The following BIN2 variants were observed in gnomAD, a reference collection of about 807,000 sequenced individuals.
BIN2 encodes bridging integrator 2.
In BIN2, 43 loss-of-function variants were observed where a neutral mutation model predicts 67.9. The ratio of observed to expected loss-of-function variants is 0.63; its 90% CI spans 0.50 to 0.82. BIN2 has a LOEUF of 0.82. Ranked by LOEUF, BIN2 falls within the 40% of genes least tolerant of loss-of-function variation. The pLI is 0.00. For missense variants in BIN2, 581 were observed against 671.6 expected, an observed-to-expected ratio of 0.87 and a Z score of 1.49; for synonymous variants, 244 against 246.8, an observed-to-expected ratio of 0.99 and a Z score of 0.11.
chr12:51,313,809 A>G lies in BIN2; in HGVS notation c.162+14T>C, dbSNP rs757451845. The G allele has an allele frequency of 2.5e-6, 4 of 1,606,524 alleles. No individual in the cohort carries two copies. In the East Asian group the frequency reaches 6.7e-5, roughly 27 times the overall value. ...TTCTTCTTCCAAGCTTCCCTCCCCT[A>G]CCCTCCAGATTACCTGTTGTTGGTA... On this transcript the variant is annotated intron_variant, in intron 2 of 12. Coordinates refer to ENST00000615107, the MANE Select transcript of BIN2 (RefSeq NM_016293.4).
rs1446463982 is a variant in BIN2, at chr12:51,287,584, G to A, written c.1596+524C>T. Among the ~76,000 whole-genome samples the A allele has an allele frequency of 3.3e-5, 5 of 151,366 alleles. No homozygotes were observed. In the East Asian group the frequency reaches 5.8e-4, roughly 18 times the overall value. On this transcript the variant is annotated intron_variant, in intron 11 of 12. Transcript: ENST00000615107. ...TCGAACTCCTGACCTCAGGTGATCC[G>A]CCCACCTCGGCCTCCCAAACTGCTG...
chr12:51,319,424 T>C (rs2137447698), intron 1 of BIN2, among the ~76,000 whole-genome samples: 1 of 152,358 alleles, frequency 6.6e-6, no homozygotes, highest in Admixed American at 6.5e-5. Context: ...GTGTCATGGG[T>C]GTTCTTCCCA....
intron 11 of BIN2, among the ~76,000 whole-genome samples, chr12:51,287,394 G>A (rs889109308): frequency 1.3e-5 from 2 of 151,816 alleles, no homozygotes; most frequent in South Asian, 4.2e-4. Context: ...ATGCGATGGC[G>A]AGATCTCGGC....
At chr12:51,283,852 G>A (rs1945174620) in intron 12 of BIN2, among the ~76,000 whole-genome samples, 1 of 151,800 alleles carries the variant, frequency 6.6e-6, no homozygotes, top group Non-Finnish European at 1.5e-5. Flanking sequence ...AAATTAGCTG[G>A]GCGTGGTGGC....
At chr12:51,315,463 C>G (rs1592280913) in intron 1 of BIN2, among the ~76,000 whole-genome samples, 1 of 152,164 alleles carries the variant, frequency 6.6e-6, no homozygotes, top group African/African-American at 2.4e-5. Context: ...TGAGCCACTG[C>G]GCCCGGCCTG....
intron 2 of BIN2, among the ~76,000 whole-genome samples, chr12:51,305,948 T>C (rs994180402): frequency 4.0e-5 from 6 of 148,262 alleles, no homozygotes; most frequent in Admixed American, 6.8e-5. Flanking sequence ...ACAATTCTCC[T>C]GCCTCAGCCT....
intron 1 of BIN2, among the ~76,000 whole-genome samples, chr12:51,321,048 A>G (rs1946266592): frequency 6.6e-6 from 1 of 152,002 alleles, no homozygotes; most frequent in Admixed American, 6.6e-5. Flanking sequence ...TTTCATCCCT[A>G]TTGTGTTTAA....
At chr12:51,320,250 C>T (rs1946236651) in intron 1 of BIN2, among the ~76,000 whole-genome samples, 1 of 152,196 alleles carries the variant, frequency 6.6e-6, no homozygotes, top group African/African-American at 2.4e-5. Flanking sequence ...GAACTCCTGA[C>T]CTCAGGTGAT....
chr12:51,317,258 T>C (rs1224268058), intron 1 of BIN2, among the ~76,000 whole-genome samples: 2 of 152,170 alleles, frequency 1.3e-5, no homozygotes, highest in African/African-American at 2.4e-5. Flanking sequence ...TTTGGATTTC[T>C]CAGTATCCAG....
chr12:51,286,389 T>A (rs1359886729), intron 11 of BIN2, among the ~76,000 whole-genome samples: 1 of 152,154 alleles, frequency 6.6e-6, no homozygotes, highest in African/African-American at 2.4e-5. Flanking sequence ...AAGGAAATAT[T>A]ATAAATCTAA....
At chr12:51,318,600 G>C (rs775018143) in intron 1 of BIN2, among the ~76,000 whole-genome samples, 2 of 152,132 alleles carry the variant, frequency 1.3e-5, no homozygotes, top group Admixed American at 6.5e-5. Flanking sequence ...CATTCCTGGA[G>C]CTCTTGCTGT....
intron 2 of BIN2, among the ~76,000 whole-genome samples, chr12:51,304,534 C>T (rs1287402419): frequency 6.6e-6 from 1 of 152,168 alleles, no homozygotes; most frequent in Non-Finnish European, 1.5e-5. Context: ...TAGGGATGGA[C>T]TGAGAGGTGC....
chr12:51,281,176 G>A lies in BIN2; in HGVS notation c.*323C>T. 1 of 342,030 alleles carries A rather than the reference G, an allele frequency of 2.9e-6. No individual in the cohort carries two copies. Among genetic ancestry groups the A allele is most frequent in the Non-Finnish European group, 5.5e-6 (1 of 183,346 alleles). The allele number at this position is 342,030 out of a possible 1,614,324, so 21.2% of individuals were successfully genotyped here. On this transcript the variant is annotated 3_prime_UTR_variant, in exon 13 of 13. Coordinates refer to ENST00000615107, the MANE Select transcript of BIN2 (RefSeq NM_016293.4). The stretch of plus-strand genomic sequence containing the variant: ...TGGTTATGTCTCTGTATAGGCAAGT[G>A]TCTGTGTCTATAGATACTTTTGCTT...
chr12:51,297,944 T>G (rs973160668), intron 7 of BIN2, among the ~76,000 whole-genome samples: 1 of 152,188 alleles, frequency 6.6e-6, no homozygotes, highest in Non-Finnish European at 1.5e-5. Context: ...TTAAAGAAAC[T>G]GTATTAAATT....
chr12:51,294,148 A>G (rs1945467919), intron 9 of BIN2, among the ~76,000 whole-genome samples: 1 of 152,236 alleles, frequency 6.6e-6, no homozygotes, highest in African/African-American at 2.4e-5. Context: ...ACAACTATAG[A>G]AAGGAAACAG....
At chr12:51,312,119 G>A (rs918522853) in intron 2 of BIN2, among the ~76,000 whole-genome samples, 17 of 152,088 alleles carry the variant, frequency 1.1e-4, no homozygotes, top group African/African-American at 3.6e-4. Context: ...GAATCAAAAT[G>A]GAGTCACTAG....
intron 1 of BIN2, among the ~76,000 whole-genome samples, chr12:51,320,634 C>G (rs11169802): frequency 5.1e-5 from 5 of 98,740 alleles, no homozygotes; most frequent in Non-Finnish European, 1.1e-4. Flanking sequence ...TATCATTATT[C>G]TTTTTTTTTT....
chr12:51,292,425 T>TAA, intron 9 of BIN2, 81 bp from the exon 10 acceptor site: 1 of 1,315,838 alleles, frequency 7.6e-7, no homozygotes, highest in African/African-American at 1.5e-5. Context: ...ATGCATGTAA[T>TAA]AAAAAAAAGA....
chr12:51,320,416 C>T (rs902460967), intron 1 of BIN2, among the ~76,000 whole-genome samples: 1 of 152,192 alleles, frequency 6.6e-6, no homozygotes, highest in Non-Finnish European at 1.5e-5. Context: ...TCCCTGTGCT[C>T]CAGCTGAGCT....
Sources: gnomAD v4.1 joint callset for allele counts (sites outside exome capture counted in the v4.1 genomes callset) on GRCh38, gnomAD v4.1.1 for gene constraint, MANE v1.5 for transcripts, NCBI Gene and HGNC (gene_info 2026-07-23, HGNC 2026-07-21) for gene names.